Variants in OARD1 observed in about 807,000 individuals in gnomAD.
The protein encoded by OARD1 is ADP-ribose glycohydrolase OARD1.
In OARD1, 19 loss-of-function variants were observed where a neutral mutation model predicts 19.7. That is an observed-to-expected ratio of 0.96 (90% CI 0.67 to 1.41). The LOEUF (loss-of-function observed/expected upper bound fraction) is 1.41, where lower values mean the gene tolerates loss of function less well. Ranked by LOEUF, OARD1 falls within the 40% of genes most tolerant of loss-of-function variation. The pLI is 0.00. For synonymous variants in OARD1, 70 were observed against 61.8 expected (o/e 1.13, Z -0.62); for missense variants, 190 against 183.8 (o/e 1.03, Z -0.20).
chr6:41,094,844 T>C (rs1023214184), intron 1 of OARD1, among the ~76,000 whole-genome samples: 2 of 152,212 alleles, frequency 1.3e-5, no homozygotes, highest in Non-Finnish European at 2.9e-5. Flanking sequence ...AGGGTTGAGA[T>C]GCTCTTCGTC....
chr6:41,067,472 G>C (rs377306368), intron 5 of OARD1, 35 bp from the exon 6 acceptor site: 3 of 1,416,178 alleles, frequency 2.1e-6, no homozygotes. Context: ...TGATGGTAAC[G>C]AAAGTATCTA....
chr6:41,094,085 C>G (rs998392168), intron 1 of OARD1, among the ~76,000 whole-genome samples: 22 of 152,262 alleles, frequency 1.4e-4, no homozygotes, highest in African/African-American at 5.3e-4. Flanking sequence ...CTCATTTGCT[C>G]AAACGAAATT....
At chr6:41,077,001 G>A (rs1376307998), upstream of OARD1, among the ~76,000 whole-genome samples, 2 of 152,096 alleles carry the variant, frequency 1.3e-5, no homozygotes, top group African/African-American at 2.4e-5. Context: ...TTTAAATATT[G>A]CTAAATTGGT....
intron 1 of OARD1, among the ~76,000 whole-genome samples, chr6:41,097,114 C>A (rs62396299): frequency 0.074 from 11,255 of 152,190 alleles, 548 homozygotes; most frequent in Middle Eastern, 0.13. Context: ...CACTAACAGC[C>A]CTGCAGTGTT....
rs908200147 is a variant in OARD1, at chr6:41,092,778, C to T, written c.-42+4935G>A. On this transcript the variant is annotated intron_variant, in intron 1 of 4. Transcript: ENST00000480585. Reference sequence around the variant, plus strand: ...TTTAGTATAAATTTCTCCAGGGATCCGCATTTACCCAAGTACCCTATAAAA... The same window carrying T: ...TTTAGTATAAATTTCTCCAGGGATCTGCATTTACCCAAGTACCCTATAAAA... 47 of 763,812 alleles carry T rather than the reference C, an allele frequency of 6.2e-5. 1 individual carries two copies. The highest frequency in any genetic ancestry group is 4.6e-4 in the African/African-American group (26 of 56,652). 47.3% of individuals were successfully genotyped at this position (763,812 alleles called of 1,614,324 possible). A position where few individuals can be genotyped will look rare whatever the true frequency, so the allele number is the denominator to read the frequency against.
chr6:41,094,494 G>T (rs1764292512), intron 1 of OARD1: 2 of 1,612,184 alleles, frequency 1.2e-6, no homozygotes, highest in South Asian at 2.2e-5. Flanking sequence ...GTCCCCATAT[G>T]CAGGTAGGAA....
At position 41,096,732 on chromosome 6, in the gene OARD1, G is replaced by C. The variant is rs531502793; in HGVS notation, c.-42+981C>G. On this transcript the variant is annotated intron_variant, in intron 1 of 4. Transcript: ENST00000480585. ...AAAAAGCTTCCAAGGATTTATCCTT[G>C]TGTTAACACGGTAGGTCTTAAGTGA... Among the ~76,000 whole-genome samples the C allele has an allele frequency of 1.2e-3, 177 of 152,174 alleles. 1 individual carries two copies. The highest frequency in any genetic ancestry group is 2.1e-3 in the Non-Finnish European group (142 of 68,034).
In OARD1 at chr6:41,080,718, C is replaced by T. The variant is rs114122785; in HGVS notation, c.-41-9043G>A. Reference sequence around the variant, plus strand: ...ACATTTTGAAAGTCCTTCAGGCTTCCGTCTCTCTCCTCCAAGAGGTAAGGT... The same window carrying T: ...ACATTTTGAAAGTCCTTCAGGCTTCTGTCTCTCTCCTCCAAGAGGTAAGGT... On this transcript the variant is annotated intron_variant, in intron 1 of 4. Coordinates refer to the OARD1 transcript ENST00000480585. 2.0e-4 allele frequency: 207 copies of T among 1,019,190 alleles called. No homozygotes were observed. The African/African-American group carries it at 2.7e-3, about 13-fold the overall frequency. The allele number at this position is 1,019,190 out of a possible 1,614,324, so 63.1% of individuals were successfully genotyped here.
At chr6:41,080,137 C>G (rs1463439216) in intron 1 of OARD1, among the ~76,000 whole-genome samples, 3 of 152,008 alleles carry the variant, frequency 2.0e-5, no homozygotes, top group African/African-American at 4.8e-5. Flanking sequence ...TTAAAGCAGT[C>G]CAGTTGGGTA....
At chr6:41,080,828 T>C (rs745448014) in intron 1 of OARD1, 4 of 1,613,954 alleles carry the variant, frequency 2.5e-6, no homozygotes, top group Non-Finnish European at 3.4e-6. Flanking sequence ...GTGGTGTCAC[T>C]GCTGTGCAGT....
intron 3 of OARD1, among the ~76,000 whole-genome samples, chr6:41,070,551 GAATT>G (rs1166854900): frequency 1.3e-4 from 20 of 152,304 alleles, no homozygotes; most frequent in Admixed American, 3.9e-4. Context: ...TATAAAAAAG[GAATT>G]AATTATTACA....
rs1389298575 is a variant in OARD1 at position 41,065,485 on chromosome 6, T to C, written c.*1850A>G. On this transcript the variant is annotated 3_prime_UTR_variant, in exon 6 of 6. Transcript: ENST00000424266. The stretch of plus-strand genomic sequence containing the variant: ...ATATTTTAAGTTTCTTTAAGTTTCT[T>C]ATCCCCCACTCTCACTTTCAATTTT... 6.6e-6 allele frequency: 1 copy of C among 152,240 alleles called. No homozygotes were observed. Among genetic ancestry groups the C allele is most frequent in the Non-Finnish European group, 1.5e-5 (1 of 68,038 alleles). The allele number at this position is 152,240 out of a possible 1,614,324, so 9.4% of individuals were successfully genotyped here.
Position 41,087,880 on chromosome 6 carries a change from A to C in OARD1, c.-42+9833T>G, listed in dbSNP as rs184080820. Among the ~76,000 whole-genome samples, 503 of 152,352 alleles carry C rather than the reference A, an allele frequency of 3.3e-3. 3 individuals carry two copies. Among genetic ancestry groups the C allele is most frequent in the African/African-American group, 0.012 (483 of 41,578 alleles). On this transcript the variant is annotated intron_variant, in intron 1 of 4. Transcript: ENST00000480585. The stretch of plus-strand genomic sequence containing the variant: ...TAATAAAGTGGCTATAGCCATTAAA[A>C]AAAAGAAAGAAGATAGATTTGGATA...
intron 1 of OARD1, among the ~76,000 whole-genome samples, chr6:41,083,345 T>G (rs1378971354): frequency 6.6e-6 from 1 of 152,202 alleles, no homozygotes; most frequent in Non-Finnish European, 1.5e-5. Flanking sequence ...AATAACCATG[T>G]GGATATTATA....
rs1023205299 is a variant in OARD1, at chr6:41,065,535, C to T, written c.*1800G>A. 2.0e-5 allele frequency: 3 copies of T among 152,146 alleles called. No individual in the cohort carries two copies. Among genetic ancestry groups the T allele is most frequent in the Non-Finnish European group, 4.4e-5 (3 of 68,020 alleles). The allele number at this position is 152,146 out of a possible 1,614,324, so 9.4% of individuals were successfully genotyped here. Reference sequence around the variant, plus strand: ...TGTGTATTTAGATAATCTCTCCTTCCTTTTTCCCTTCAACTTTATGTGGAC... The same window carrying T: ...TGTGTATTTAGATAATCTCTCCTTCTTTTTTCCCTTCAACTTTATGTGGAC... On this transcript the variant is annotated 3_prime_UTR_variant, in exon 6 of 6. Transcript: ENST00000424266.
intron 1 of OARD1, chr6:41,097,570 G>A (rs538799389): frequency 8.5e-5 from 57 of 667,252 alleles, no homozygotes; most frequent in Non-Finnish European, 1.3e-4. Flanking sequence ...CAATTGCAGC[G>A]ATGCCTGGCA....
chr6:41,071,347 T>C, intron 2 of OARD1, 71 bp from the exon 3 acceptor site: 1 of 1,483,276 alleles, frequency 6.7e-7, no homozygotes, highest in Non-Finnish European at 9.3e-7. Context: ...TTTTCTGTAT[T>C]TTGTGTCCCC....
At chr6:41,088,291 C>T (rs933212752) in intron 1 of OARD1, among the ~76,000 whole-genome samples, 4 of 151,518 alleles carry the variant, frequency 2.6e-5, no homozygotes, top group African/African-American at 9.7e-5. Flanking sequence ...GGCGTGATGG[C>T]GGACGCCTGT....
chr6:41,070,214 T>A lies in OARD1; in HGVS notation c.185-80A>T, dbSNP rs1763260149. The A allele has an allele frequency of 7.3e-6, 6 of 824,320 alleles. No individual in the cohort carries two copies. In the South Asian group the frequency reaches 9.1e-5, roughly 12 times the overall value. 51.1% of individuals were successfully genotyped at this position (824,320 alleles called of 1,614,324 possible). ...CTAAAGATTTTAAAATGTTTACAGATCTGAGTTTACCTCAGAACTAGAATT... is the reference window on the plus strand; with the variant it reads ...CTAAAGATTTTAAAATGTTTACAGAACTGAGTTTACCTCAGAACTAGAATT... On this transcript the variant is annotated intron_variant, in intron 3 of 5. Transcript: ENST00000424266.
Sources: gnomAD v4.1 joint callset for allele counts (sites outside exome capture counted in the v4.1 genomes callset) on GRCh38, gnomAD v4.1.1 for gene constraint, MANE v1.5 for transcripts, NCBI Gene and HGNC (gene_info 2026-07-23, HGNC 2026-07-21) for gene names.